Variants in HMG20A observed in about 807,000 individuals in gnomAD.
HMG20A encodes the protein high mobility group 20A, also known as high mobility group protein 20A.
A neutral mutation model predicts 43.9 loss-of-function variants in HMG20A; 17 were observed. The observed-to-expected ratio is 0.39, with a 90% confidence interval of 0.27 to 0.58. HMG20A has a LOEUF of 0.58. Ranked by LOEUF, HMG20A falls within the 20% of genes least tolerant of loss-of-function variation. The pLI is 0.59. For synonymous variants in HMG20A, 132 were observed against 147.5 expected (o/e 0.89, Z 0.76); for missense variants, 341 against 438.2 (o/e 0.78, Z 1.98).
intron 6 of HMG20A, among the ~76,000 whole-genome samples, chr15:77,472,107 C>T (rs2072814921): frequency 6.6e-6 from 1 of 152,000 alleles, no homozygotes; most frequent in South Asian, 2.1e-4. Context: ...GAAATGAGGG[C>T]TAGCTGAAAG....
intron 6 of HMG20A, among the ~76,000 whole-genome samples, chr15:77,475,885 A>G (rs2142355669): frequency 6.6e-6 from 1 of 152,334 alleles, no homozygotes; most frequent in Non-Finnish European, 1.5e-5. Flanking sequence ...AGAGCTTTGC[A>G]TGTTGAAACT....
At chr15:77,515,057 G>A in the HMG20A span, among the ~76,000 whole-genome samples, 1 of 152,176 alleles carries the variant, frequency 6.6e-6, no homozygotes, top group African/African-American at 2.4e-5. Flanking sequence ...AGGAGGTTTT[G>A]GGGACAGTGG....
At chr15:77,510,294 GGAT>G in the HMG20A span, among the ~76,000 whole-genome samples, 1 of 152,222 alleles carries the variant, frequency 6.6e-6, no homozygotes, top group East Asian at 1.9e-4. Flanking sequence ...GGCTGCGCAT[GGAT>G]GATGACTGAA....
intron 3 of HMG20A, among the ~76,000 whole-genome samples, chr15:77,465,649 C>G (rs2072750689): frequency 6.6e-6 from 1 of 152,138 alleles, no homozygotes; most frequent in Admixed American, 6.5e-5. Context: ...CCTGCCTTGG[C>G]CCTCCAAAGT....
intron 7 of HMG20A, among the ~76,000 whole-genome samples, chr15:77,477,941 G>C (rs2072871075): frequency 6.6e-6 from 1 of 152,118 alleles, no homozygotes; most frequent in African/African-American, 2.4e-5. Context: ...GGTAAAGATG[G>C]GTACCTACAG....
the HMG20A span, among the ~76,000 whole-genome samples, chr15:77,503,647 C>T: frequency 3.3e-5 from 5 of 152,302 alleles, no homozygotes; most frequent in South Asian, 6.2e-4. Flanking sequence ...GTGATTTGCC[C>T]GAGCAGGAGA....
At chr15:77,503,995 G>A in the HMG20A span, among the ~76,000 whole-genome samples, 1 of 152,212 alleles carries the variant, frequency 6.6e-6, no homozygotes. Flanking sequence ...TGTCCTCTAT[G>A]CTGAGCCAGA....
At chr15:77,461,035 G>T (rs953873647) in intron 2 of HMG20A, among the ~76,000 whole-genome samples, 1 of 151,908 alleles carries the variant, frequency 6.6e-6, no homozygotes, top group Non-Finnish European at 1.5e-5. Flanking sequence ...AATCAACAGA[G>T]TCTAAAGTGA....
chr15:77,513,648 G>A, the HMG20A span, among the ~76,000 whole-genome samples: 2 of 152,036 alleles, frequency 1.3e-5, no homozygotes, highest in Non-Finnish European at 2.9e-5. Context: ...GGCCCACTTG[G>A]TGTCTCTTTC....
intron 1 of HMG20A, among the ~76,000 whole-genome samples, chr15:77,423,682 C>CGTATA (rs1165621229): frequency 5.9e-4 from 90 of 152,186 alleles, no homozygotes; most frequent in Non-Finnish European, 1.2e-3. Flanking sequence ...TTAGATTATC[C>CGTATA]ACAGAGATGT....
chr15:77,467,068 G>T, intron 3 of HMG20A, 27 bp from the exon 4 acceptor site: 2 of 1,579,510 alleles, frequency 1.3e-6, no homozygotes, highest in South Asian at 1.1e-5. Flanking sequence ...TTTGGTTTTT[G>T]GTTTTTTATT....
intron 2 of HMG20A, among the ~76,000 whole-genome samples, chr15:77,462,525 C>G (rs1389790915): frequency 3.9e-5 from 6 of 151,970 alleles, no homozygotes; most frequent in African/African-American, 1.5e-4. Flanking sequence ...GGGCATGTTT[C>G]CAGTTGTCTG....
the HMG20A span, among the ~76,000 whole-genome samples, chr15:77,492,911 G>T: frequency 2.6e-5 from 4 of 152,142 alleles, no homozygotes; most frequent in Non-Finnish European, 4.4e-5. Flanking sequence ...GTTTGACTTG[G>T]TTCCTCCCAA....
chr15:77,515,223 G>T, the HMG20A span, among the ~76,000 whole-genome samples: 1 of 152,180 alleles, frequency 6.6e-6, no homozygotes, highest in Non-Finnish European at 1.5e-5. Flanking sequence ...GGGTACAATA[G>T]ACAGTGGTGG....
the HMG20A span, among the ~76,000 whole-genome samples, chr15:77,512,555 G>C: frequency 1.3e-5 from 2 of 152,008 alleles, no homozygotes; most frequent in African/African-American, 2.4e-5. Context: ...ACACAAGTAA[G>C]TATATGAATA....
At chr15:77,426,664 A>G (rs1157558117) in intron 1 of HMG20A, among the ~76,000 whole-genome samples, 1 of 152,090 alleles carries the variant, frequency 6.6e-6, no homozygotes, top group African/African-American at 2.4e-5. Flanking sequence ...CAACTGTACA[A>G]AAAAAATCCT....
At chr15:77,457,799 A>C (rs964663229) in intron 1 of HMG20A, among the ~76,000 whole-genome samples, 1 of 152,070 alleles carries the variant, frequency 6.6e-6, no homozygotes, top group Non-Finnish European at 1.5e-5. Flanking sequence ...TCCATCCTCT[A>C]CTTCCTTTGC....
At chr15:77,517,391 C>T in the HMG20A span, among the ~76,000 whole-genome samples, 3 of 152,040 alleles carry the variant, frequency 2.0e-5, no homozygotes, top group Non-Finnish European at 2.9e-5. Context: ...GGATGGTGAA[C>T]GAGTCAACCC....
chr15:77,474,702 A>G (rs1476667959), intron 6 of HMG20A, among the ~76,000 whole-genome samples: 1 of 152,226 alleles, frequency 6.6e-6, no homozygotes, highest in African/African-American at 2.4e-5. Context: ...GAGAGGGCAT[A>G]TTAGAGCTAA....
Sources: gnomAD v4.1 joint callset for allele counts (sites outside exome capture counted in the v4.1 genomes callset) on GRCh38, gnomAD v4.1.1 for gene constraint, MANE v1.5 for transcripts, NCBI Gene and HGNC (gene_info 2026-07-23, HGNC 2026-07-21) for gene names.